The following ZNF467 variants were observed in gnomAD, a reference collection of about 807,000 sequenced individuals.
ZNF467 encodes the protein zinc finger protein 467.
A neutral mutation model predicts 47.8 loss-of-function variants in ZNF467; 51 were observed. The ratio of observed to expected loss-of-function variants is 1.07; its 90% confidence interval spans 0.85 to 1.35. The LOEUF (loss-of-function observed/expected upper bound fraction) is 1.35. Ranked by LOEUF, ZNF467 falls within the 40% of genes most tolerant of loss-of-function variation. The probability of loss-of-function intolerance (pLI) is 0.00; values close to 1 mark genes in which losing one functional copy is unlikely to be tolerated. For missense variants in ZNF467, 992 were observed against 858.1 expected, an observed-to-expected ratio of 1.16 and a Z score of -1.95; for synonymous variants, 416 against 372.9, an observed-to-expected ratio of 1.12 and a Z score of -1.33.
At position 149,764,454 on chromosome 7, in the gene ZNF467, G is replaced by C; in HGVS notation, c.*260C>G. On this transcript the variant is annotated 3_prime_UTR_variant, in exon 5 of 5. Coordinates refer to ENST00000302017, the MANE Select transcript of ZNF467 (RefSeq NM_207336.3). ...GCCGCGCTGGGTCCGGGAAATATCT[G>C]CTTTCCAACGGGGCACCTGGGTGGG... 1.5e-6 allele frequency: 1 copy of C among 668,378 alleles called. No individual in the cohort carries two copies. Among genetic ancestry groups the C allele is most frequent in the South Asian group, 1.7e-5 (1 of 59,994 alleles). The allele number at this position is 668,378 out of a possible 1,614,324, so 41.4% of individuals were successfully genotyped here.
In ZNF467 at chr7:149,765,954, C is replaced by T. The variant is rs777557865; in HGVS notation, c.548G>A (p.Arg183Gln). The T allele has an allele frequency of 4.5e-6, 7 of 1,552,110 alleles. No homozygotes were observed. The Admixed American group carries it at 5.8e-5, about 13-fold the overall frequency. Residue 183 changes from arginine to glutamine, a missense_variant, in exon 5 of 5, where the codon CGG becomes CAG. Transcript: ENST00000302017. ...LTLRLHQRLH[R>Q]GEGPCACPDC... ...CGGGCAGGCGCAGGGGCCCTCGCCC[C>T]GGTGCAGCCGCTGGTGCAGTCGCAA...
Position 149,770,547 on chromosome 7 carries a change from A to G in ZNF467, c.44T>C (p.Val15Ala), listed in dbSNP as rs1393701463. The part of the protein sequence containing the change: ...LEALSSLGFS[V>A]GQPEMAPQSE... ...TTGGGGGGCCATCTCTGGCTGTCCCACAGAGAATCCTGTTACAGGCAGAAG... is the reference window on the plus strand; with the variant it reads ...TTGGGGGGCCATCTCTGGCTGTCCCGCAGAGAATCCTGTTACAGGCAGAAG... The change falls in exon 3 of 5, where the codon GTG becomes GCG. Residue 15 changes from valine to alanine, a missense_variant. Val to Ala is a moderately conservative substitution (Grantham distance 64, BLOSUM62 0). Coordinates refer to ENST00000302017, the MANE Select transcript of ZNF467 (RefSeq NM_207336.3). The G allele has an allele frequency of 6.2e-7, 1 of 1,612,882 alleles. No individual in the cohort carries two copies. Among genetic ancestry groups the G allele is most frequent in the Admixed American group, 1.7e-5 (1 of 59,870 alleles).
rs1460182009 is a variant in ZNF467, at chr7:149,773,102, C to T, written c.-43+6G>A. 2 of 150,410 alleles carry T rather than the reference C, an allele frequency of 1.3e-5. No individual in the cohort carries two copies. The highest frequency in any genetic ancestry group is 6.6e-5 in the Admixed American group (1 of 15,142). The allele number at this position is 150,410 out of a possible 1,614,324, so 9.3% of individuals were successfully genotyped here. A position where few individuals can be genotyped will look rare whatever the true frequency, so the allele number is the denominator to read the frequency against. ...CCGCCTGCAGAGGAGCCTCCCCGGCCCTTACCTGGCTGGCCGGCCGCTCCG... is the reference window on the plus strand; with the variant it reads ...CCGCCTGCAGAGGAGCCTCCCCGGCTCTTACCTGGCTGGCCGGCCGCTCCG... On this transcript the variant is annotated splice_donor_region_variant and intron_variant, in intron 1 of 4. Transcript: ENST00000302017.
At chr7:149,775,222 C>T (rs1799541922), upstream of ZNF467, among the ~76,000 whole-genome samples, 1 of 152,204 alleles carries the variant, frequency 6.6e-6, no homozygotes, top group African/African-American at 2.4e-5. Flanking sequence ...TCTAGGAGAC[C>T]CTCGAAGAAG....
chr7:149,766,126 C>G lies in ZNF467; in HGVS notation c.376G>C (p.Asp126His). 1 of 1,605,696 alleles carries G rather than the reference C, an allele frequency of 6.2e-7. No homozygotes were observed. Among genetic ancestry groups the G allele is most frequent in the Non-Finnish European group, 8.5e-7 (1 of 1,174,442 alleles). ...SLLPSPFPAPDLGHLAAAYKL... is the reference protein window; with the variant it reads ...SLLPSPFPAPHLGHLAAAYKL... ...TACGCGGCAGCCAGATGCCCCAGGT[C>G]AGGCGCGGGAAAGGGGCTGGGAAGT... Residue 126 changes from aspartate to histidine, a missense_variant, in exon 5 of 5, where the codon GAC (aspartate) becomes CAC (histidine). Transcript: ENST00000302017.
rs983354997 is a variant in ZNF467 at position 149,764,630 on chromosome 7, A to C, written c.*84T>G. 8 of 1,551,392 alleles carry C rather than the reference A, an allele frequency of 5.2e-6. No homozygotes were observed. The highest frequency in any genetic ancestry group is 7.0e-6 in the Non-Finnish European group (8 of 1,147,698). On this transcript the variant is annotated 3_prime_UTR_variant, in exon 5 of 5. Coordinates refer to ENST00000302017, the MANE Select transcript of ZNF467 (RefSeq NM_207336.3). ...CGGCCAAACCTTCGGGCAGCAGCCC[A>C]GGTCGCCTTGCTCACCCCAGGCGGT...
upstream of ZNF467, chr7:149,776,280 C>T (rs1799577024): frequency 3.1e-6 from 4 of 1,293,214 alleles, no homozygotes; most frequent in Non-Finnish European, 4.1e-6. Context: ...GGAGTGGTGT[C>T]ATAGGACAGG....
chr7:149,765,361 C>A lies in ZNF467; in HGVS notation c.1141G>T (p.Gly381Cys). Residue 381 changes from glycine (G) to cysteine (C), a missense_variant, in exon 5 of 5, where the codon GGT becomes TGT. Gly to Cys is a radical substitution (Grantham distance 159). Coordinates refer to ENST00000302017, the MANE Select transcript of ZNF467 (RefSeq NM_207336.3). ...ATHQCLHRSE[G>C]RPFGCDECAL... Reference sequence around the variant, plus strand: ...CACTCATCGCACCCAAAGGGGCGACCCTCGCTGCGGTGCAGACACTGGTGC... The same window carrying A: ...CACTCATCGCACCCAAAGGGGCGACACTCGCTGCGGTGCAGACACTGGTGC... 1.3e-6 allele frequency: 2 copies of A among 1,545,858 alleles called. No individual in the cohort carries two copies. Among genetic ancestry groups the A allele is most frequent in the Non-Finnish European group, 8.7e-7 (1 of 1,144,794 alleles).
rs771309567 is a variant in ZNF467, at chr7:149,765,284, C to T, written c.1218G>A (p.Ala406=). 1.4e-6 allele frequency: 2 copies of T among 1,462,704 alleles called. No homozygotes were observed. Among genetic ancestry groups the T allele is most frequent in the Non-Finnish European group, 9.0e-7 (1 of 1,107,002 alleles). 90.6% of individuals were successfully genotyped at this position (1,462,704 alleles called of 1,614,324 possible). The change falls in exon 5 of 5, where the codon GCG becomes GCA. Residue 406 remains alanine, a synonymous_variant. Coordinates refer to ENST00000302017, the MANE Select transcript of ZNF467 (RefSeq NM_207336.3). ...DAPAAKPLAS[A]PGGPGCGPGS... Reference sequence around the variant, plus strand: ...CTGGGCCGCAGCCCGGTCCGCCAGGCGCGCTGGCCAGGGGCTTGGCGGCGG... The same window carrying T: ...CTGGGCCGCAGCCCGGTCCGCCAGGTGCGCTGGCCAGGGGCTTGGCGGCGG...
chr7:149,770,518 C>T lies in ZNF467; in HGVS notation c.73G>A (p.Glu25Lys), dbSNP rs750448873. The T allele has an allele frequency of 3.7e-6, 6 of 1,613,600 alleles. No individual in the cohort carries two copies. The East Asian group carries it at 1.1e-4, about 30-fold the overall frequency. Residue 25 changes from glutamate to lysine, a missense_variant, in exon 3 of 5, where the codon GAG (glutamate) becomes AAG (lysine). Coordinates refer to ENST00000302017, the MANE Select transcript of ZNF467 (RefSeq NM_207336.3). Reference sequence around the variant, plus strand: ...GCATTATGGGATCCTTCCCTGGGCTCACTTTGGGGGGCCATCTCTGGCTGT... The same window carrying T: ...GCATTATGGGATCCTTCCCTGGGCTTACTTTGGGGGGCCATCTCTGGCTGT... ...VGQPEMAPQS[E>K]PREGSHNAQE... is the part of the protein sequence containing the mutation.
rs1799214685 is a variant in ZNF467 at position 149,766,190 on chromosome 7, C to T, written c.312G>A (p.Glu104=). ...RKVKVEDEDQ[E]AEEEVEWPQH... ...GGGGCCATTCGACCTCCTCTTCTGC[C>T]TCCTGATCTTCGTCCTCCACCTTCA... The change falls in exon 5 of 5, where the codon GAG becomes GAA. Residue 104 remains glutamate (E), a synonymous_variant. Transcript: ENST00000302017. 1 of 1,545,256 alleles carries T rather than the reference C, an allele frequency of 6.5e-7. No homozygotes were observed. Among genetic ancestry groups the T allele is most frequent in the East Asian group, 2.3e-5 (1 of 43,998 alleles).
Position 149,765,306 on chromosome 7 carries a change from G to T in ZNF467, c.1196C>A (p.Ala399Asp). Residue 399 changes from alanine (A) to aspartate (D), a missense_variant, in exon 5 of 5, where the codon GCC becomes GAC. Coordinates refer to ENST00000302017, the MANE Select transcript of ZNF467 (RefSeq NM_207336.3). ...AGGCGCGCTGGCCAGGGGCTTGGCG[G>T]CGGGGGCATCCACGGTGGCGCCCAG... ...CALGATVDAP[A>D]AKPLASAPGG... 1.4e-6 allele frequency: 2 copies of T among 1,477,106 alleles called. No individual in the cohort carries two copies. The highest frequency in any genetic ancestry group is 1.8e-6 in the Non-Finnish European group (2 of 1,111,560). The allele number at this position is 1,477,106 out of a possible 1,614,324, so 91.5% of individuals were successfully genotyped here.
In ZNF467 at chr7:149,766,730, G is replaced by C. The variant is rs372101403; in HGVS notation, c.263-491C>G. 7.1e-4 allele frequency among the ~76,000 whole-genome samples: 108 copies of C among 152,320 alleles called. 1 individual carries two copies. The South Asian group carries it at 0.022, about 31-fold the overall frequency. On this transcript the variant is annotated intron_variant, in intron 4 of 4. Transcript: ENST00000302017. ...CTGGCTGACTTTAACCTTAGGACTA[G>C]AGCCTCCTTCCCTGGTGGCCTTGAA...
chr7:149,765,344 G>A lies in ZNF467; in HGVS notation c.1158C>T (p.Cys386=). 3.3e-6 allele frequency: 5 copies of A among 1,525,410 alleles called. No homozygotes were observed. Among genetic ancestry groups the A allele is most frequent in the Non-Finnish European group, 2.6e-6 (3 of 1,134,452 alleles). The allele number at this position is 1,525,410 out of a possible 1,614,324, so 94.5% of individuals were successfully genotyped here. Reference sequence around the variant, plus strand: ...CGGTGGCGCCCAGTGCGCACTCATCGCACCCAAAGGGGCGACCCTCGCTGC... The same window carrying A: ...CGGTGGCGCCCAGTGCGCACTCATCACACCCAAAGGGGCGACCCTCGCTGC... The part of the protein sequence containing the change: ...LHRSEGRPFG[C]DECALGATVD... Residue 386 remains cysteine (C), a synonymous_variant, in exon 5 of 5, where the codon TGC becomes TGT. Transcript: ENST00000302017.
chr7:149,764,724 A>T lies in ZNF467; in HGVS notation c.1778T>A (p.Leu593His). 6.4e-7 allele frequency: 1 copy of T among 1,562,402 alleles called. No individual in the cohort carries two copies. The highest frequency in any genetic ancestry group is 8.7e-7 in the Non-Finnish European group (1 of 1,150,344). Residue 593 changes from leucine (L) to histidine (H), a missense_variant, in exon 5 of 5, where the codon CTC becomes CAC. Transcript: ENST00000302017. ...SAPPEVAPPPLFF is the reference protein window; with the variant it reads ...SAPPEVAPPPHFF ...TCGTGAGAACTAGGCTCAGAAGAAG[A>T]GCGGGGGCGGCGCCACCTCGGGGGG... is the stretch of plus-strand genomic sequence containing the variant.
rs141036688 is a variant in ZNF467, at chr7:149,768,249, A to G, written c.262+841T>C. On this transcript the variant is annotated intron_variant, in intron 4 of 4. Coordinates refer to ENST00000302017, the MANE Select transcript of ZNF467 (RefSeq NM_207336.3). ...CCAGATTTTCTCTTCTGAGGTATGG[A>G]CATTTTGTGTTCCATTTCTTTTGTG... Among the ~76,000 whole-genome samples the G allele has an allele frequency of 2.0e-3, 308 of 152,288 alleles. 1 individual carries two copies. The highest frequency in any genetic ancestry group is 7.0e-3 in the African/African-American group (291 of 41,542).
chr7:149,771,551 T>A (rs998154533), intron 1 of ZNF467, among the ~76,000 whole-genome samples: 1 of 152,114 alleles, frequency 6.6e-6, no homozygotes, highest in Non-Finnish European at 1.5e-5. Context: ...TTAGGGGTAC[T>A]GCTTGGGGAG....
At position 149,769,868 on chromosome 7, in the gene ZNF467, C is replaced by A; in HGVS notation, c.151+572G>T. ...GCTAACTTTTAATTTTTTGTGGAGA[C>A]AGGGTCTTGCCATGTTGCCTAGGCT... On this transcript the variant is annotated intron_variant, in intron 3 of 4. Transcript: ENST00000302017. The surrounding 1 kb of genome is among the most constrained non-coding windows in gnomAD (Gnocchi z 5.3). 6.6e-6 allele frequency among the ~76,000 whole-genome samples: 1 copy of A among 152,090 alleles called. No homozygotes were observed. The highest frequency in any genetic ancestry group is 2.4e-5 in the African/African-American group (1 of 41,422).
chr7:149,764,303 G>GTC lies in ZNF467; in HGVS notation c.*410_*411insGA. On this transcript the variant is annotated 3_prime_UTR_variant, in exon 5 of 5. Transcript: ENST00000302017. ...GGTGGTCTGTGTGTGGATGGAGGTG[G>GTC]GACAGTGGCTAAGGAGAGTCAGGTG... The GTC allele has an allele frequency of 1.4e-5, 7 of 505,012 alleles. No individual in the cohort carries two copies. The highest frequency in any genetic ancestry group is 3.2e-5 in the South Asian group (1 of 31,152). The allele number at this position is 505,012 out of a possible 1,614,324, so 31.3% of individuals were successfully genotyped here.
Sources: allele counts gnomAD v4.1 joint callset (sites outside exome capture counted in the v4.1 genomes callset), GRCh38; gene constraint gnomAD v4.1.1; non-coding constraint Gnocchi (gnomAD v3.1); transcripts MANE v1.5; gene names NCBI Gene and HGNC (gene_info 2026-07-23, HGNC 2026-07-21).